Variants in GABRG3 observed in about 807,000 individuals in gnomAD.
GABRG3 encodes the protein gamma-aminobutyric acid type A receptor subunit gamma3, also known as gamma-aminobutyric acid receptor subunit gamma-3.
In GABRG3, 25 loss-of-function variants were observed where a neutral mutation model predicts 48.8. The ratio of observed to expected loss-of-function variants is 0.51; its 90% confidence interval spans 0.37 to 0.72. GABRG3 has a LOEUF of 0.72. Among genes scored for constraint, GABRG3 ranks in the 30% least tolerant of loss-of-function variants. GABRG3 has a pLI of 0.00. For missense variants in GABRG3, 394 were observed against 577.9 expected (o/e 0.68, Z 3.26); for synonymous variants, 227 against 217.6 (o/e 1.04, Z -0.38).
chr15:27,098,728 T>A (rs4887531), intron 3 of GABRG3, among the ~76,000 whole-genome samples: 34,906 of 151,916 alleles, frequency 0.23, 4,862 homozygotes, highest in East Asian at 0.38. Context: ...AGAATTCATA[T>A]GTGGCAAATT....
chr15:27,116,150 G>A (rs1348826729), intron 3 of GABRG3, among the ~76,000 whole-genome samples: 4 of 152,194 alleles, frequency 2.6e-5, no homozygotes, highest in African/African-American at 9.6e-5. Context: ...GGAGGATAGA[G>A]AATGTCATCA....
chr15:27,099,505 A>G (rs1897320562), intron 3 of GABRG3, among the ~76,000 whole-genome samples: 1 of 152,068 alleles, frequency 6.6e-6, no homozygotes, highest in Non-Finnish European at 1.5e-5. Context: ...ATTAGAACCT[A>G]CTGTAATAGC....
At chr15:27,007,371 C>G (rs2140663584) in intron 2 of GABRG3, among the ~76,000 whole-genome samples, 1 of 152,196 alleles carries the variant, frequency 6.6e-6, no homozygotes, top group African/African-American at 2.4e-5. Flanking sequence ...AACCACTGTG[C>G]CTGGCCCACA....
chr15:27,455,759 G>A (rs938499563), intron 5 of GABRG3, among the ~76,000 whole-genome samples: 3 of 151,598 alleles, frequency 2.0e-5, no homozygotes, highest in Non-Finnish European at 4.4e-5. Flanking sequence ...TGTGTGGTGT[G>A]TATGTGTGCT....
intron 3 of GABRG3, among the ~76,000 whole-genome samples, chr15:27,048,776 G>T (rs1896407363): frequency 6.6e-6 from 1 of 152,232 alleles, no homozygotes; most frequent in Non-Finnish European, 1.5e-5. Flanking sequence ...TGTGGCTTCT[G>T]TGCCAGGTTG....
intron 5 of GABRG3, among the ~76,000 whole-genome samples, chr15:27,379,234 T>C (rs1468240955): frequency 6.6e-6 from 1 of 152,232 alleles, no homozygotes; most frequent in African/African-American, 2.4e-5. Flanking sequence ...TTTTTCCCCT[T>C]GTTTGGGGTT....
intron 3 of GABRG3, among the ~76,000 whole-genome samples, chr15:27,098,824 C>T (rs1897308974): frequency 6.6e-6 from 1 of 151,986 alleles, no homozygotes; most frequent in Admixed American, 6.6e-5. Context: ...ACCAGAGAGT[C>T]TTCTAGTGCC....
intron 6 of GABRG3, among the ~76,000 whole-genome samples, chr15:27,507,252 C>G (rs569384030): frequency 2.4e-4 from 37 of 152,238 alleles, no homozygotes; most frequent in Non-Finnish European, 4.7e-4. Context: ...CACCTGTAAT[C>G]CCAGTATTTT....
Position 27,527,586 on chromosome 15 carries a change from A to G in GABRG3, c.1019A>G (p.Tyr340Cys), listed in dbSNP as rs1891309703. The change falls in exon 8 of 10, where the codon TAT (tyrosine) becomes TGT (cysteine). Residue 340 changes from tyrosine to cysteine, a missense_variant. Tyr to Cys is a radical substitution (Grantham distance 194). This residue lies in a region of GABRG3 where 126 missense variants were observed against 155.5 expected (regional missense o/e 0.81). Coordinates refer to ENST00000615808, the MANE Select transcript of GABRG3 (RefSeq NM_033223.5). Reference sequence around the variant, plus strand: ...ATGGAGTATGCCACCCTCAACTACTATTCCAGCTGTAGAAAACCAACCACC... The same window carrying G: ...ATGGAGTATGCCACCCTCAACTACTGTTCCAGCTGTAGAAAACCAACCACC... ...ALMEYATLNY[Y>C]SSCRKPTTTK... 6.2e-7 allele frequency: 1 copy of G among 1,613,280 alleles called. No homozygotes were observed. Among genetic ancestry groups the G allele is most frequent in the Non-Finnish European group, 8.5e-7 (1 of 1,179,634 alleles).
intron 3 of GABRG3, among the ~76,000 whole-genome samples, chr15:27,189,196 G>T (rs1888208435): frequency 6.6e-6 from 1 of 151,446 alleles, no homozygotes; most frequent in African/African-American, 2.4e-5. Flanking sequence ...GCTTAGGATT[G>T]ACTTGGCGAT....
At chr15:27,408,274 C>T (rs1887697402) in intron 5 of GABRG3, among the ~76,000 whole-genome samples, 1 of 152,146 alleles carries the variant, frequency 6.6e-6, no homozygotes, top group Non-Finnish European at 1.5e-5. Flanking sequence ...GAGGACTGCC[C>T]TGGGGCCTTG....
chr15:27,318,025 A>G (rs1159933884), intron 3 of GABRG3, among the ~76,000 whole-genome samples: 2 of 152,168 alleles, frequency 1.3e-5, no homozygotes, highest in African/African-American at 4.8e-5. Context: ...CAAAAACCCT[A>G]AATTACATAC....
At chr15:27,166,039 A>C (rs973074081) in intron 3 of GABRG3, among the ~76,000 whole-genome samples, 3 of 152,148 alleles carry the variant, frequency 2.0e-5, no homozygotes, top group Non-Finnish European at 4.4e-5. Context: ...GAGCCTTCTG[A>C]GCCTTTCTCA....
In GABRG3 at chr15:27,133,908, C is replaced by T. The variant is rs372226798; in HGVS notation, c.270+107087C>T. Among the ~76,000 whole-genome samples, 13 of 152,318 alleles carry T rather than the reference C, an allele frequency of 8.5e-5. No homozygotes were observed. In the South Asian group the frequency reaches 1.2e-3, roughly 15 times the overall value. On this transcript the variant is annotated intron_variant, in intron 3 of 9. Transcript: ENST00000615808. ...ACACTTTAGTGGGTAAAACAGTTCT[C>T]ACAGAGGATTAAACATTTGAAGTTC...
At chr15:27,351,805 T>A (rs1371852778) in intron 5 of GABRG3, among the ~76,000 whole-genome samples, 1 of 151,166 alleles carries the variant, frequency 6.6e-6, no homozygotes, top group Admixed American at 6.6e-5. Context: ...GTATATATGA[T>A]GTGTGTGTTT....
At chr15:27,269,241 G>A (rs1020575605) in intron 3 of GABRG3, among the ~76,000 whole-genome samples, 27 of 151,918 alleles carry the variant, frequency 1.8e-4, no homozygotes, top group African/African-American at 6.0e-4. Context: ...TGATTTCAGT[G>A]TAATATCTAC....
At chr15:27,170,768 G>A (rs1887542223) in intron 3 of GABRG3, among the ~76,000 whole-genome samples, 1 of 152,154 alleles carries the variant, frequency 6.6e-6, no homozygotes, top group South Asian at 2.1e-4. Flanking sequence ...CAAATAAGAT[G>A]TGGGCAAGAA....
chr15:27,263,624 G>C (rs1200085603), intron 3 of GABRG3, among the ~76,000 whole-genome samples: 2 of 152,116 alleles, frequency 1.3e-5, no homozygotes, highest in East Asian at 3.9e-4. Context: ...AACCCCAAAT[G>C]CTATGCCTGA....
At chr15:27,433,684 G>A (rs985802949) in intron 5 of GABRG3, among the ~76,000 whole-genome samples, 3 of 152,140 alleles carry the variant, frequency 2.0e-5, no homozygotes, top group Admixed American at 2.0e-4. Context: ...TATTGTATGT[G>A]TGTCGATATG....
Sources: allele counts gnomAD v4.1 joint callset (sites outside exome capture counted in the v4.1 genomes callset), GRCh38; gene constraint gnomAD v4.1.1; regional missense constraint gnomAD v4.1.1; transcripts MANE v1.5; gene names NCBI Gene and HGNC (gene_info 2026-07-23, HGNC 2026-07-21).